Variants in ADGRL3 observed in about 807,000 individuals in gnomAD.
The protein encoded by ADGRL3 is calcium-independent alpha-latrotoxin receptor 3.
A neutral mutation model predicts 153.5 loss-of-function variants in ADGRL3; 62 were observed. The ratio of observed to expected loss-of-function variants is 0.40; its 90% CI spans 0.33 to 0.50. The LOEUF is 0.50. Among genes scored for constraint, ADGRL3 ranks in the 20% least tolerant of loss-of-function variants. ADGRL3 has a pLI of 0.47. For missense variants in ADGRL3, 1,641 were observed against 1,859.4 expected, an observed-to-expected ratio of 0.88 and a Z score of 2.16; for synonymous variants, 710 against 672.5, an observed-to-expected ratio of 1.06 and a Z score of -0.86.
intron 9 of ADGRL3, among the ~76,000 whole-genome samples, chr4:61,890,764 A>G (rs1182638126): frequency 6.6e-6 from 1 of 152,216 alleles, no homozygotes; most frequent in Non-Finnish European, 1.5e-5. Context: ...CCCACGTAGT[A>G]TGATGTCAAA....
At chr4:61,446,685 G>C (rs2152496853) in intron 2 of ADGRL3, among the ~76,000 whole-genome samples, 1 of 152,268 alleles carries the variant, frequency 6.6e-6, no homozygotes, top group Non-Finnish European at 1.5e-5. Flanking sequence ...TGTAAATGTG[G>C]AGCTCTGAGT....
chr4:61,277,606 G>T (rs370992248), intron 1 of ADGRL3, among the ~76,000 whole-genome samples: 1 of 152,042 alleles, frequency 6.6e-6, no homozygotes, highest in East Asian at 1.9e-4. Flanking sequence ...GGAAAAAAAT[G>T]CTTGAATAGG....
At chr4:61,936,076 G>T (rs1375977244) in intron 15 of ADGRL3, 31 bp downstream of exon 15, 1 of 1,605,792 alleles carries the variant, frequency 6.2e-7, no homozygotes, top group Admixed American at 1.7e-5. Flanking sequence ...TAAGCTTGAG[G>T]GAATTGAACT....
chr4:61,289,031 A>C (rs1389056890), intron 1 of ADGRL3, among the ~76,000 whole-genome samples: 1 of 152,004 alleles, frequency 6.6e-6, no homozygotes, highest in Non-Finnish European at 1.5e-5. Context: ...TACACACACA[A>C]GATACCTAGA....
chr4:61,208,157 C>T (rs1420135909), intron 1 of ADGRL3, among the ~76,000 whole-genome samples: 2 of 152,030 alleles, frequency 1.3e-5, no homozygotes, highest in Non-Finnish European at 2.9e-5. Flanking sequence ...GGGAAAATAT[C>T]TGGATCTAGG....
At position 61,934,969 on chromosome 4, in the gene ADGRL3, C is replaced by A. The variant is rs770126763; in HGVS notation, c.2242C>A (p.Leu748Met). ...TACTGTGGAGGAAAGTGCTTTTGTG[C>A]TGGCTGATAACCTTTTGAAGACTGA... ...LHTVEESAFV[L>M]ADNLLKTDIV... Residue 748 changes from leucine (L) to methionine (M), a missense_variant, in exon 14 of 27, where the codon CTG becomes ATG. Physicochemically the swap from Leu to Met is conservative, Grantham distance 15. Transcript: ENST00000683033. 1 of 1,613,810 alleles carries A rather than the reference C, an allele frequency of 6.2e-7. No individual in the cohort carries two copies. Among genetic ancestry groups the A allele is most frequent in the East Asian group, 2.2e-5 (1 of 44,878 alleles).
At chr4:61,887,559 A>G (rs1384108132) in intron 9 of ADGRL3, among the ~76,000 whole-genome samples, 1 of 152,154 alleles carries the variant, frequency 6.6e-6, no homozygotes, top group Non-Finnish European at 1.5e-5. Context: ...AAAATATTGC[A>G]AAACGGGCCA....
intron 8 of ADGRL3, among the ~76,000 whole-genome samples, chr4:61,812,573 A>T (rs1440010621): frequency 6.6e-6 from 1 of 152,212 alleles, no homozygotes; most frequent in Non-Finnish European, 1.5e-5. Flanking sequence ...GTAGAAAGAA[A>T]GTAGTGGGTC....
intron 4 of ADGRL3, among the ~76,000 whole-genome samples, chr4:61,576,102 A>G (rs936714406): frequency 3.9e-5 from 6 of 152,094 alleles, no homozygotes; most frequent in Non-Finnish European, 7.4e-5. Context: ...TTAGAAAGTT[A>G]AGTGTGTGAG....
At chr4:61,894,207 G>A (rs2098609799) in intron 10 of ADGRL3, among the ~76,000 whole-genome samples, 1 of 152,032 alleles carries the variant, frequency 6.6e-6, no homozygotes. Context: ...CTGTCATCCA[G>A]CATTCTCAGG....
chr4:61,870,998 G>A (rs2098440276), intron 9 of ADGRL3, among the ~76,000 whole-genome samples: 1 of 152,190 alleles, frequency 6.6e-6, no homozygotes, highest in South Asian at 2.1e-4. Flanking sequence ...GTATACGGGG[G>A]CCGGGCACGG....
chr4:61,315,872 A>T (rs1210967663), intron 1 of ADGRL3, among the ~76,000 whole-genome samples: 1 of 152,160 alleles, frequency 6.6e-6, no homozygotes, highest in Non-Finnish European at 1.5e-5. Flanking sequence ...TCTCCTTTCC[A>T]TTTTCCACAT....
chr4:61,768,004 A>T (rs2097021195), intron 8 of ADGRL3, among the ~76,000 whole-genome samples: 1 of 152,118 alleles, frequency 6.6e-6, no homozygotes, highest in Admixed American at 6.5e-5. Context: ...ATGTATATTG[A>T]GAATAAGACG....
At chr4:61,418,486 C>A (rs975864353) in intron 2 of ADGRL3, among the ~76,000 whole-genome samples, 2 of 151,162 alleles carry the variant, frequency 1.3e-5, no homozygotes, top group African/African-American at 4.9e-5. Flanking sequence ...GTGTGCATTT[C>A]TTCTGTATCT....
At chr4:61,335,129 A>C (rs1337595502) in intron 1 of ADGRL3, among the ~76,000 whole-genome samples, 1 of 152,138 alleles carries the variant, frequency 6.6e-6, no homozygotes, top group African/African-American at 2.4e-5. Flanking sequence ...TTAAAAATTA[A>C]TAAAATGTTG....
rs150982590 is a variant in ADGRL3 at position 62,058,619 on chromosome 4, T to A, written c.3815-9547T>A. 1.7e-4 allele frequency among the ~76,000 whole-genome samples: 26 copies of A among 152,256 alleles called. No homozygotes were observed. The Middle Eastern group carries it at 0.01, about 60-fold the overall frequency. ...TTTCACATATGTAATATTGTAACTA[T>A]CTCGTCCTCCCTGAGCCCCCAAAAT... On this transcript the variant is annotated intron_variant, in intron 25 of 26. Coordinates refer to ENST00000683033, the MANE Select transcript of ADGRL3 (RefSeq NM_001387552.1).
chr4:61,646,632 G>A (rs34450050), intron 5 of ADGRL3, among the ~76,000 whole-genome samples: 68 of 152,076 alleles, frequency 4.5e-4, no homozygotes, highest in African/African-American at 1.4e-3. Context: ...CAGTCTGCCC[G>A]TTCTCAGATC....
intron 4 of ADGRL3, among the ~76,000 whole-genome samples, chr4:61,573,457 A>C (rs547150759): frequency 7.9e-5 from 12 of 151,970 alleles, no homozygotes; most frequent in Non-Finnish European, 1.3e-4. Context: ...ATGCACATTG[A>C]ATCAGTGAAT....
intron 21 of ADGRL3, among the ~76,000 whole-genome samples, chr4:62,023,430 G>A (rs2099247124): frequency 6.6e-6 from 1 of 152,132 alleles, no homozygotes; most frequent in Non-Finnish European, 1.5e-5. Flanking sequence ...CGTTGAGAAA[G>A]CAGCAACAAG....
Sources: gnomAD v4.1 joint callset for allele counts (sites outside exome capture counted in the v4.1 genomes callset) on GRCh38, gnomAD v4.1.1 for gene constraint, MANE v1.5 for transcripts, NCBI Gene and HGNC (gene_info 2026-07-23, HGNC 2026-07-21) for gene names.